The following RASSF8 variants were observed in gnomAD, a reference collection of about 807,000 sequenced individuals.
RASSF8 encodes Ras association domain family member 8, also known as ras association domain-containing protein 8.
A neutral mutation model predicts 48.5 loss-of-function variants in RASSF8; 22 were observed. That is an observed-to-expected ratio of 0.45 (90% CI 0.32 to 0.65). The LOEUF is 0.65. Ranked by LOEUF, RASSF8 falls within the 30% of genes least tolerant of loss-of-function variation. RASSF8 has a pLI of 0.03. For missense variants in RASSF8, 418 were observed against 489.2 expected (o/e 0.85, Z 1.37); for synonymous variants, 127 against 171.5 (o/e 0.74, Z 2.03).
At chr12:25,963,265 C>T (rs1464838892) in intron 1 of RASSF8, among the ~76,000 whole-genome samples, 6 of 147,716 alleles carry the variant, frequency 4.1e-5, no homozygotes, top group Admixed American at 2.0e-4. Flanking sequence ...GTGGGAGCCA[C>T]CTAGAAGTCT....
intron 1 of RASSF8, among the ~76,000 whole-genome samples, chr12:25,963,241 T>C (rs954081861): frequency 1.3e-5 from 2 of 151,422 alleles, no homozygotes; most frequent in Admixed American, 1.3e-4. Context: ...GAGGAGGAGT[T>C]TTTTTTAAAA....
At chr12:26,077,756 G>GT (rs1301452884), downstream of RASSF8, among the ~76,000 whole-genome samples, 1 of 152,104 alleles carries the variant, frequency 6.6e-6, no homozygotes, top group Non-Finnish European at 1.5e-5. Context: ...TGGTTGGCTG[G>GT]TTTTTTTGGA....
chr12:26,052,218 A>G (rs2137222009), intron 2 of RASSF8, among the ~76,000 whole-genome samples: 1 of 152,336 alleles, frequency 6.6e-6, no homozygotes, highest in East Asian at 1.9e-4. Context: ...CAAATATGGA[A>G]TCTGCAAATA....
intron 1 of RASSF8, among the ~76,000 whole-genome samples, chr12:25,976,414 A>G (rs1941606052): frequency 6.7e-6 from 1 of 149,100 alleles, no homozygotes. Flanking sequence ...GCACAGAAGT[A>G]TAACTTTGTA....
At chr12:25,988,826 A>G (rs368197649) in intron 1 of RASSF8, among the ~76,000 whole-genome samples, 3 of 152,342 alleles carry the variant, frequency 2.0e-5, no homozygotes, top group Admixed American at 1.3e-4. Flanking sequence ...GGTCTAAACA[A>G]GTAACAAAAC....
rs1363761726 is a variant in RASSF8, at chr12:26,071,682, G to A, written c.*2864G>A. 4 of 983,238 alleles carry A rather than the reference G, an allele frequency of 4.1e-6. No individual in the cohort carries two copies. In the African/African-American group the frequency reaches 7.0e-5, roughly 17 times the overall value. The allele number at this position is 983,238 out of a possible 1,614,324, so 60.9% of individuals were successfully genotyped here. A position where few individuals can be genotyped will look rare whatever the true frequency, so the allele number is the denominator to read the frequency against. On this transcript the variant is annotated 3_prime_UTR_variant, in exon 6 of 6. Transcript: ENST00000689635. The stretch of plus-strand genomic sequence containing the variant: ...GACTTTTTTATAATATGAGACTTCA[G>A]TTGGTATTAATAGGAGTTACCTATT...
chr12:26,021,682 A>G (rs1343229277), intron 2 of RASSF8, among the ~76,000 whole-genome samples: 1 of 152,140 alleles, frequency 6.6e-6, no homozygotes, highest in African/African-American at 2.4e-5. Context: ...TCAAGCTGCC[A>G]TTACCTTGCT....
chr12:26,031,321 T>C (rs1038309540), intron 2 of RASSF8, among the ~76,000 whole-genome samples: 2 of 151,720 alleles, frequency 1.3e-5, no homozygotes, highest in Non-Finnish European at 2.9e-5. Context: ...TGTTTCAGTA[T>C]TTTTTTTTCT....
chr12:26,007,132 C>T (rs1403162541), intron 2 of RASSF8, among the ~76,000 whole-genome samples: 1 of 152,128 alleles, frequency 6.6e-6, no homozygotes, highest in East Asian at 1.9e-4. Flanking sequence ...TTTTCAGCAA[C>T]CAGCTCTGGC....
chr12:25,986,365 G>C (rs1160414083), intron 1 of RASSF8, among the ~76,000 whole-genome samples: 1 of 152,182 alleles, frequency 6.6e-6, no homozygotes, highest in Non-Finnish European at 1.5e-5. Flanking sequence ...GGTTATAACT[G>C]TCCCAAGTTC....
Position 26,072,111 on chromosome 12 carries a change from T to G in RASSF8, c.*3293T>G, listed in dbSNP as rs918371949. ...CAGATGGACAGTTCCCATTGTGCAT[T>G]GCCTTTGATAAATTTGGCCTTAATT... On this transcript the variant is annotated 3_prime_UTR_variant, in exon 6 of 6. Transcript: ENST00000689635. 4 of 985,290 alleles carry G rather than the reference T, an allele frequency of 4.1e-6. No homozygotes were observed. The Admixed American group carries it at 2.5e-4, about 61-fold the overall frequency. The allele number at this position is 985,290 out of a possible 1,614,324, so 61.0% of individuals were successfully genotyped here. A position where few individuals can be genotyped will look rare whatever the true frequency, so the allele number is the denominator to read the frequency against.
In RASSF8 at chr12:25,985,249, G is replaced by T. The variant is rs1459083810; in HGVS notation, c.-202-9788G>T. Reference sequence around the variant, plus strand: ...TTTTTTGTGTGTGTGTGGGAGGGAGGCATCTAATGCTGTAACTATAGACCC... The same window carrying T: ...TTTTTTGTGTGTGTGTGGGAGGGAGTCATCTAATGCTGTAACTATAGACCC... On this transcript the variant is annotated intron_variant, in intron 1 of 5. Coordinates refer to ENST00000689635, the MANE Select transcript of RASSF8 (RefSeq NM_001394098.1). 2.0e-5 allele frequency among the ~76,000 whole-genome samples: 3 copies of T among 152,214 alleles called. No individual in the cohort carries two copies. In the South Asian group the frequency reaches 6.2e-4, roughly 32 times the overall value.
chr12:26,033,831 C>T (rs1943076144), intron 2 of RASSF8, among the ~76,000 whole-genome samples: 1 of 152,104 alleles, frequency 6.6e-6, no homozygotes, highest in African/African-American at 2.4e-5. Context: ...GATCTCAGCT[C>T]CCATCTCCTA....
rs577636947 is a variant in RASSF8, at chr12:25,972,242, A to G, written c.-203+13094A>G. On this transcript the variant is annotated intron_variant, in intron 1 of 5. Coordinates refer to ENST00000689635, the MANE Select transcript of RASSF8 (RefSeq NM_001394098.1). Reference sequence around the variant, plus strand: ...TCTGAAAACACTTCAACAAATAGTAAGTACTGACCATATTCAGGAGACTGA... The same window carrying G: ...TCTGAAAACACTTCAACAAATAGTAGGTACTGACCATATTCAGGAGACTGA... Among the ~76,000 whole-genome samples the G allele has an allele frequency of 2.6e-5, 4 of 152,362 alleles. No individual in the cohort carries two copies. The South Asian group carries it at 8.3e-4, about 32-fold the overall frequency.
chr12:26,049,027 G>A (rs1388022347), intron 2 of RASSF8, among the ~76,000 whole-genome samples: 2 of 152,114 alleles, frequency 1.3e-5, no homozygotes, highest in African/African-American at 4.8e-5. Flanking sequence ...CAAAGTGCTG[G>A]GATTACAGGC....
chr12:25,989,605 CA>C (rs1333488187), intron 1 of RASSF8, among the ~76,000 whole-genome samples: 12 of 152,200 alleles, frequency 7.9e-5, no homozygotes, highest in African/African-American at 1.2e-4. Context: ...CTGGTTTAAA[CA>C]AAAATGATTA....
intron 3 of RASSF8, among the ~76,000 whole-genome samples, chr12:26,062,878 G>A (rs1253967433): frequency 6.6e-6 from 1 of 152,158 alleles, no homozygotes; most frequent in Non-Finnish European, 1.5e-5. Context: ...TAGAAGGGAA[G>A]TTGTGCTGCT....
intron 1 of RASSF8, among the ~76,000 whole-genome samples, chr12:25,973,577 G>A (rs1409575874): frequency 4.6e-5 from 7 of 152,118 alleles, no homozygotes; most frequent in Non-Finnish European, 7.4e-5. Flanking sequence ...TAAAAATTAG[G>A]GAGCCTGCTA....
At chr12:25,986,888 T>A (rs1348854501) in intron 1 of RASSF8, among the ~76,000 whole-genome samples, 1 of 152,088 alleles carries the variant, frequency 6.6e-6, no homozygotes, top group East Asian at 1.9e-4. Context: ...TACCATTTTT[T>A]TTGTAACTTG....
Sources: allele counts gnomAD v4.1 joint callset (sites outside exome capture counted in the v4.1 genomes callset), GRCh38; gene constraint gnomAD v4.1.1; transcripts MANE v1.5; gene names NCBI Gene and HGNC (gene_info 2026-07-23, HGNC 2026-07-21).